Variants in INPP4B observed in about 807,000 individuals in gnomAD.
INPP4B encodes inositol polyphosphate 4-phosphatase type II.
A neutral mutation model predicts 122.5 loss-of-function variants in INPP4B; 55 were observed. The ratio of observed to expected loss-of-function variants is 0.45; its 90% CI spans 0.36 to 0.56. The LOEUF (loss-of-function observed/expected upper bound fraction) is 0.56. Ranked by LOEUF, INPP4B falls within the 20% of genes least tolerant of loss-of-function variation. The pLI is 0.00. For missense variants in INPP4B, 1,000 were observed against 1,097.7 expected (o/e 0.91, Z 1.26); for synonymous variants, 403 against 388.7 (o/e 1.04, Z -0.43).
intron 25 of INPP4B, among the ~76,000 whole-genome samples, chr4:142,056,062 T>C (rs906386383): frequency 6.6e-6 from 1 of 151,886 alleles, no homozygotes; most frequent in Non-Finnish European, 1.5e-5. Flanking sequence ...CATGTGCAGT[T>C]TGTAATAGGG....
intron 7 of INPP4B, among the ~76,000 whole-genome samples, chr4:142,328,445 C>A (rs959884116): frequency 2.0e-5 from 3 of 152,162 alleles, no homozygotes; most frequent in Admixed American, 1.3e-4. Flanking sequence ...CAATAATATT[C>A]AAATGGTATT....
At chr4:142,396,132 TA>T (rs1799287079) in intron 7 of INPP4B, among the ~76,000 whole-genome samples, 2 of 152,106 alleles carry the variant, frequency 1.3e-5, no homozygotes, top group South Asian at 4.1e-4. Context: ...TAATCAGAAT[TA>T]AAAAATTTTG....
At chr4:142,510,610 A>G (rs1824589969) in intron 2 of INPP4B, among the ~76,000 whole-genome samples, 2 of 152,180 alleles carry the variant, frequency 1.3e-5, no homozygotes, top group African/African-American at 4.8e-5. Flanking sequence ...TTATTATGTA[A>G]TGTAGAGTTC....
At chr4:142,734,799 G>C (rs1766601769) in intron 1 of INPP4B, among the ~76,000 whole-genome samples, 1 of 151,972 alleles carries the variant, frequency 6.6e-6, no homozygotes, top group Non-Finnish European at 1.5e-5. Flanking sequence ...GCATGCGCCA[G>C]CACGCCCAGC....
At chr4:142,210,647 T>C (rs1222736867) in intron 12 of INPP4B, among the ~76,000 whole-genome samples, 1 of 152,222 alleles carries the variant, frequency 6.6e-6, no homozygotes, top group Non-Finnish European at 1.5e-5. Flanking sequence ...ATCTGAGATA[T>C]ACAGCAAGTA....
At chr4:142,579,154 G>A (rs1381888522) in intron 2 of INPP4B, among the ~76,000 whole-genome samples, 1 of 151,920 alleles carries the variant, frequency 6.6e-6, no homozygotes, top group African/African-American at 2.4e-5. Context: ...CATTTAAATG[G>A]GGGAAGTAGG....
chr4:142,031,172 C>T (rs1739775582), intron 25 of INPP4B, among the ~76,000 whole-genome samples: 1 of 151,756 alleles, frequency 6.6e-6, no homozygotes, highest in Admixed American at 6.6e-5. Flanking sequence ...AATAATTATG[C>T]TCTAGTTCAT....
chr4:142,218,253 T>C (rs1848110942), intron 12 of INPP4B, among the ~76,000 whole-genome samples: 3 of 152,166 alleles, frequency 2.0e-5, no homozygotes, highest in African/African-American at 7.2e-5. Flanking sequence ...TCCTACCACA[T>C]TTTACAAATA....
chr4:142,486,807 G>C (rs1213761299), intron 2 of INPP4B, among the ~76,000 whole-genome samples: 1 of 152,040 alleles, frequency 6.6e-6, no homozygotes, highest in Non-Finnish European at 1.5e-5. Flanking sequence ...TTGTTGCATA[G>C]GTTTATCCAG....
intron 16 of INPP4B, among the ~76,000 whole-genome samples, chr4:142,162,554 C>A (rs1820628183): frequency 6.6e-6 from 1 of 151,890 alleles, no homozygotes; most frequent in East Asian, 1.9e-4. Flanking sequence ...AACTTGCCTT[C>A]TTTGAATTCC....
intron 22 of INPP4B, among the ~76,000 whole-genome samples, chr4:142,109,600 G>C (rs2152692292): frequency 6.6e-6 from 1 of 152,182 alleles, no homozygotes; most frequent in Admixed American, 6.5e-5. Flanking sequence ...CTCTTGACTT[G>C]AATGTCTTAC....
chr4:142,678,390 G>C (rs1758123371), intron 2 of INPP4B, among the ~76,000 whole-genome samples: 2 of 151,816 alleles, frequency 1.3e-5, no homozygotes, highest in South Asian at 4.2e-4. Flanking sequence ...CTGAGAGGGG[G>C]TTATTAGATG....
intron 1 of INPP4B, among the ~76,000 whole-genome samples, chr4:142,798,305 A>C (rs1777544845): frequency 6.6e-6 from 1 of 151,940 alleles, no homozygotes; most frequent in Admixed American, 6.6e-5. Context: ...CCTTGATGAT[A>C]GATTCAAGAG....
rs540272964 is a variant in INPP4B at position 142,145,860 on chromosome 4, G to C, written c.1700C>G (p.Ala567Gly). 1 of 1,613,602 alleles carries C rather than the reference G, an allele frequency of 6.2e-7. No individual in the cohort carries two copies. Among genetic ancestry groups the C allele is most frequent in the East Asian group, 2.2e-5 (1 of 44,860 alleles). The change falls in exon 18 of 26, where the codon GCC becomes GGC. Residue 567 changes from alanine to glycine, a missense_variant. By Grantham distance (60) the Ala-to-Gly change is moderately conservative. Transcript: ENST00000262992. Reference sequence around the variant, plus strand: ...CTTACCTCTTGGGTGAGAGGGAATGGCATCTGTTAATGAAGGTTCCTTTTC... The same window carrying C: ...CTTACCTCTTGGGTGAGAGGGAATGCCATCTGTTAATGAAGGTTCCTTTTC... The part of the protein sequence containing the change: ...DGEKEPSLTD[A>G]IPSHPREDWY...
At chr4:142,142,171 A>G (rs1365347355) in intron 18 of INPP4B, among the ~76,000 whole-genome samples, 1 of 152,116 alleles carries the variant, frequency 6.6e-6, no homozygotes, top group African/African-American at 2.4e-5. Flanking sequence ...TAAAAAAGAA[A>G]GGAGCAAAAT....
At position 142,580,151 on chromosome 4, in the gene INPP4B, T is replaced by C. The variant is rs116680005; in HGVS notation, c.-190-117425A>G. 8.7e-3 allele frequency among the ~76,000 whole-genome samples: 1,312 copies of C among 151,330 alleles called. 15 individuals are homozygous for C. Among genetic ancestry groups the C allele is most frequent in the African/African-American group, 0.027 (1,132 of 41,226 alleles). On this transcript the variant is annotated intron_variant, in intron 2 of 25. Coordinates refer to ENST00000262992, the MANE Select transcript of INPP4B (RefSeq NM_001101669.3). ...CATAGAGGAATTACCCAGGAGAGCATTGTGGTTAAGAAAGTAGGCCCCAGG... is the reference window on the plus strand; with the variant it reads ...CATAGAGGAATTACCCAGGAGAGCACTGTGGTTAAGAAAGTAGGCCCCAGG...
chr4:142,434,576 C>T (rs895625091), intron 3 of INPP4B, among the ~76,000 whole-genome samples: 2 of 152,164 alleles, frequency 1.3e-5, no homozygotes, highest in Non-Finnish European at 2.9e-5. Flanking sequence ...AGACTACTGG[C>T]TCTCAAAGTG....
chr4:142,042,816 C>T (rs1393689435), intron 25 of INPP4B, among the ~76,000 whole-genome samples: 4 of 152,220 alleles, frequency 2.6e-5, no homozygotes, highest in Middle Eastern at 3.4e-3. Flanking sequence ...CCACCTCGGC[C>T]TCCCAAAGTG....
rs1352655763 is a variant in INPP4B at position 142,408,031 on chromosome 4, A to G, written c.137-2707T>C. ...TTTTTAAAAGCTGTTACCAGGTCCAATATTTCTTCATAAATACCAAATTAG... is the reference window on the plus strand; with the variant it reads ...TTTTTAAAAGCTGTTACCAGGTCCAGTATTTCTTCATAAATACCAAATTAG... On this transcript the variant is annotated intron_variant, in intron 5 of 25. Coordinates refer to ENST00000262992, the MANE Select transcript of INPP4B (RefSeq NM_001101669.3). 6.6e-5 allele frequency among the ~76,000 whole-genome samples: 10 copies of G among 152,294 alleles called. No homozygotes were observed. In the East Asian group the frequency reaches 1.9e-3, roughly 29 times the overall value.
Sources: allele counts gnomAD v4.1 joint callset (sites outside exome capture counted in the v4.1 genomes callset), GRCh38; gene constraint gnomAD v4.1.1; transcripts MANE v1.5; gene names NCBI Gene and HGNC (gene_info 2026-07-23, HGNC 2026-07-21).